The following SPAM1 variants were observed in gnomAD, a reference collection of about 807,000 sequenced individuals.
The protein encoded by SPAM1 is hyaluronidase PH-20.
Under a neutral mutation model 29.6 loss-of-function variants are expected in SPAM1, and 22 were observed. The observed-to-expected ratio is 0.74, with a 90% confidence interval of 0.53 to 1.06. The LOEUF (loss-of-function observed/expected upper bound fraction) is 1.06, where lower values mean the gene tolerates loss of function less well. Ranked by LOEUF, SPAM1 falls within the 50% of genes least tolerant of loss-of-function variation. The probability of loss-of-function intolerance (pLI) is 0.00; values close to 1 mark genes in which losing one functional copy is unlikely to be tolerated. For synonymous variants in SPAM1, 194 were observed against 204.6 expected (o/e 0.95, Z 0.44); for missense variants, 534 against 604.0 (o/e 0.88, Z 1.21).
intron 1 of SPAM1, among the ~76,000 whole-genome samples, chr7:123,931,834 A>T (rs959192472): frequency 3.9e-5 from 6 of 151,944 alleles, no homozygotes; most frequent in Non-Finnish European, 5.9e-5. Context: ...ACAAGCCGAG[A>T]TCTCAGAACA....
chr7:123,930,198 C>T (rs1465097503), intron 1 of SPAM1, among the ~76,000 whole-genome samples: 1 of 151,926 alleles, frequency 6.6e-6, no homozygotes, highest in Non-Finnish European at 1.5e-5. Flanking sequence ...CCCATAGGTA[C>T]CAAAAAGCCA....
At chr7:123,952,613 C>G (rs1027013977) in intron 2 of SPAM1, among the ~76,000 whole-genome samples, 1 of 152,070 alleles carries the variant, frequency 6.6e-6, no homozygotes, top group Non-Finnish European at 1.5e-5. Context: ...TTGTCACAAT[C>G]AGAATCACAA....
At position 123,955,039 on chromosome 7, in the gene SPAM1, G is replaced by A. The variant is rs143696812; in HGVS notation, c.997G>A (p.Ala333Thr). 6.2e-7 allele frequency: 1 copy of A among 1,611,682 alleles called. No individual in the cohort carries two copies. Among genetic ancestry groups the A allele is most frequent in the Admixed American group, 1.7e-5 (1 of 59,840 alleles). ...ATTTGGCGAAACTGTTGCTCTGGGT[G>A]CTTCTGGAATTGTAATATGGGGAAC... is the stretch of plus-strand genomic sequence containing the variant. Reference protein sequence around the residue: ...YTFGETVALGASGIVIWGTLS... With the variant: ...YTFGETVALGTSGIVIWGTLS... The change falls in exon 4 of 5, where the codon GCT (alanine) becomes ACT (threonine). Residue 333 changes from alanine (A) to threonine (T), a missense_variant. Transcript: ENST00000682466.
chr7:123,927,746 T>C (rs1054795787), intron 1 of SPAM1, among the ~76,000 whole-genome samples: 1 of 152,152 alleles, frequency 6.6e-6, no homozygotes, highest in Non-Finnish European at 1.5e-5. Flanking sequence ...TGAACAAGAG[T>C]GAAGCCTTGA....
intron 1 of SPAM1, among the ~76,000 whole-genome samples, chr7:123,928,503 G>A (rs950500935): frequency 4.6e-5 from 7 of 152,174 alleles, no homozygotes; most frequent in African/African-American, 1.7e-4. Context: ...AGGCATGATG[G>A]ATGTTAAGAG....
In SPAM1 at chr7:123,948,647, G is replaced by A. The variant is rs112914798; in HGVS notation, c.-318-1225G>A. Among the ~76,000 whole-genome samples, 3 of 152,114 alleles carry A rather than the reference G, an allele frequency of 2.0e-5. 1 individual carries two copies. The highest frequency in any genetic ancestry group is 7.2e-5 in the African/African-American group (3 of 41,526). Reference sequence around the variant, plus strand: ...TCCCCCTTTGGTAATGTTATGGTTTGCTTTCACCAAAGTTATAGTCTTGCC... The same window carrying A: ...TCCCCCTTTGGTAATGTTATGGTTTACTTTCACCAAAGTTATAGTCTTGCC... On this transcript the variant is annotated intron_variant, in intron 1 of 4. Transcript: ENST00000682466.
At chr7:123,933,482 G>A (rs1406538971) in intron 1 of SPAM1, among the ~76,000 whole-genome samples, 1 of 152,184 alleles carries the variant, frequency 6.6e-6, no homozygotes, top group Admixed American at 6.5e-5. Flanking sequence ...TTGTGGAGAA[G>A]TGACAAAATG....
In SPAM1 at chr7:123,953,204, T is replaced by C. The variant is rs182626016; in HGVS notation, c.-206-161T>C. 5.9e-5 allele frequency among the ~76,000 whole-genome samples: 9 copies of C among 152,192 alleles called. No homozygotes were observed. The East Asian group carries it at 1.6e-3, about 26-fold the overall frequency. On this transcript the variant is annotated intron_variant, in intron 2 of 4. Transcript: ENST00000682466. The stretch of plus-strand genomic sequence containing the variant: ...GTTAACTAGTATAGAGTTTGTATCA[T>C]ACATGAGAGGAAATAATTTCATAGA...
chr7:123,947,615 CACACA>C (rs1397935332), intron 1 of SPAM1: 7 of 141,710 alleles, frequency 4.9e-5, no homozygotes, highest in Non-Finnish European at 6.2e-5. Context: ...CACACACACA[CACACA>C]GACAGGTTCA....
At chr7:123,938,342 C>G (rs770806930) in intron 1 of SPAM1, among the ~76,000 whole-genome samples, 3 of 152,140 alleles carry the variant, frequency 2.0e-5, no homozygotes, top group Non-Finnish European at 4.4e-5. Context: ...CCACTTACCA[C>G]TCTGATAAGA....
intron 1 of SPAM1, among the ~76,000 whole-genome samples, chr7:123,948,368 G>A (rs1230711075): frequency 6.6e-6 from 1 of 152,142 alleles, no homozygotes; most frequent in African/African-American, 2.4e-5. Context: ...ATGAGGATAC[G>A]AGGGCAATCA....
intron 1 of SPAM1, among the ~76,000 whole-genome samples, chr7:123,935,467 A>C (rs774134122): frequency 9.2e-5 from 14 of 152,342 alleles, no homozygotes; most frequent in Middle Eastern, 3.4e-3. Flanking sequence ...GGGCAAGATC[A>C]CATTGCTACT....
At chr7:123,954,913 C>A in intron 3 of SPAM1, 84 bp from the exon 4 acceptor site, 1 of 827,132 alleles carries the variant, frequency 1.2e-6, no homozygotes, top group Non-Finnish European at 2.1e-6. Flanking sequence ...ATTGGGTCAG[C>A]ATGCTTAGCT....
At chr7:123,967,697 A>G (rs1792446682) in intron 5 of SPAM1, among the ~76,000 whole-genome samples, 1 of 151,670 alleles carries the variant, frequency 6.6e-6, no homozygotes, top group Non-Finnish European at 1.5e-5. Context: ...AGGAAGGGGG[A>G]TGTGGTGGGA....
chr7:123,962,290 A>G (rs1792369768), downstream of SPAM1, among the ~76,000 whole-genome samples: 1 of 151,814 alleles, frequency 6.6e-6, no homozygotes. Context: ...TATTTTTTTC[A>G]TAGACCCCTT....
chr7:123,963,546 C>T (rs1792386968), downstream of SPAM1, among the ~76,000 whole-genome samples: 1 of 151,686 alleles, frequency 6.6e-6, no homozygotes, highest in Non-Finnish European at 1.5e-5. Context: ...CTATGATAAT[C>T]ATCATTATAT....
At chr7:123,963,271 A>C (rs1792383751), downstream of SPAM1, among the ~76,000 whole-genome samples, 1 of 151,904 alleles carries the variant, frequency 6.6e-6, no homozygotes, top group Non-Finnish European at 1.5e-5. Context: ...TGATAGGTGA[A>C]AATGACATCT....
chr7:123,933,424 A>C (rs1324687791), intron 1 of SPAM1, among the ~76,000 whole-genome samples: 1 of 152,210 alleles, frequency 6.6e-6, no homozygotes, highest in Non-Finnish European at 1.5e-5. Flanking sequence ...AACCCAAAGA[A>C]ACAATTAGGA....
At chr7:123,934,244 T>C (rs1201203159) in intron 1 of SPAM1, among the ~76,000 whole-genome samples, 1 of 152,122 alleles carries the variant, frequency 6.6e-6, no homozygotes, top group East Asian at 1.9e-4. Context: ...TAAAAAATGC[T>C]CAACATTGCT....
Sources: gnomAD v4.1 joint callset for allele counts (sites outside exome capture counted in the v4.1 genomes callset) on GRCh38, gnomAD v4.1.1 for gene constraint, MANE v1.5 for transcripts, NCBI Gene and HGNC (gene_info 2026-07-23, HGNC 2026-07-21) for gene names.